EML5: variants seen among roughly 807,000 people sequenced by gnomAD.
EML5 encodes EMAP like 5.
In EML5, 120 loss-of-function variants were observed where a neutral mutation model predicts 250.0. The observed-to-expected ratio is 0.48, with a 90% CI of 0.41 to 0.56. The LOEUF (loss-of-function observed/expected upper bound fraction) is 0.56. EML5 is among the 20% of genes least tolerant of loss of function. The pLI, the probability that EML5 is intolerant of heterozygous loss-of-function variation, is 0.00. For synonymous variants in EML5, 771 were observed against 806.5 expected (o/e 0.96, Z 0.75); for missense variants, 2,006 against 2,437.6 (o/e 0.82, Z 3.73).
intron 28 of EML5, among the ~76,000 whole-genome samples, chr14:88,648,305 T>C (rs1177487804): frequency 2.0e-5 from 3 of 152,082 alleles, no homozygotes; most frequent in Non-Finnish European, 2.9e-5. Context: ...AAGATAACAA[T>C]GATATCTCCA....
At position 88,618,216 on chromosome 14, in the gene EML5, A is replaced by AT. The variant is rs764766269; in HGVS notation, c.5642+11dup. ...AAGTCAGTTCTTGCCTTGTGAATAT[A>AT]TAAGTATTTACCTAGTCCATGTAGC... On this transcript the variant is annotated intron_variant, in intron 41 of 43. Transcript: ENST00000554922. 1 of 1,611,010 alleles carries AT rather than the reference A, an allele frequency of 6.2e-7. No homozygotes were observed. Among genetic ancestry groups the AT allele is most frequent in the Admixed American group, 1.7e-5 (1 of 60,002 alleles).
intron 1 of EML5, among the ~76,000 whole-genome samples, chr14:88,777,946 G>C (rs2094462370): frequency 6.6e-6 from 1 of 152,262 alleles, no homozygotes; most frequent in South Asian, 2.1e-4. Flanking sequence ...CTCTACTCCT[G>C]CCTGGGCAAA....
intron 28 of EML5, among the ~76,000 whole-genome samples, chr14:88,647,870 TA>T (rs2091433532): frequency 6.6e-6 from 1 of 152,138 alleles, no homozygotes; most frequent in African/African-American, 2.4e-5. Flanking sequence ...CATTTAAGCT[TA>T]TTTTTGTTTT....
chr14:88,647,068 A>C (rs2091381714), intron 28 of EML5, 113 bp from the exon 29 acceptor site: 1 of 910,954 alleles, frequency 1.1e-6, no homozygotes, highest in South Asian at 1.9e-5. Context: ...GCAGACAGCT[A>C]TATTGCATAA....
At chr14:88,698,905 CA>C (rs2093143371) in intron 14 of EML5, among the ~76,000 whole-genome samples, 1 of 152,072 alleles carries the variant, frequency 6.6e-6, no homozygotes, top group African/African-American at 2.4e-5. Flanking sequence ...CCAATCACAA[CA>C]ACTCTACGAG....
At chr14:88,676,143 C>T (rs1038122008) in intron 21 of EML5, among the ~76,000 whole-genome samples, 2 of 152,218 alleles carry the variant, frequency 1.3e-5, no homozygotes, top group Non-Finnish European at 1.5e-5. Flanking sequence ...GTTGCTTCCA[C>T]ATTTTCAGGT....
chr14:88,703,180 C>T (rs967647900), intron 13 of EML5, among the ~76,000 whole-genome samples: 3 of 151,922 alleles, frequency 2.0e-5, no homozygotes, highest in Admixed American at 1.3e-4. Context: ...TAGTATACTA[C>T]CATTTACATA....
chr14:88,754,870 C>T (rs2094140695), intron 1 of EML5, among the ~76,000 whole-genome samples, 199 bp from the exon 2 acceptor site: 1 of 152,196 alleles, frequency 6.6e-6, no homozygotes, highest in Non-Finnish European at 1.5e-5. Flanking sequence ...GTGGTGTGAT[C>T]TCAGCTCACT....
chr14:88,729,769 C>T (rs557987210), intron 7 of EML5, among the ~76,000 whole-genome samples: 1 of 152,130 alleles, frequency 6.6e-6, no homozygotes, highest in East Asian at 1.9e-4. Flanking sequence ...CCATGTTGGC[C>T]AGGCTGGTCT....
chr14:88,791,033 C>A lies in EML5; in HGVS notation c.197+1274G>T, dbSNP rs189273053. Among the ~76,000 whole-genome samples, 500 of 152,160 alleles carry A rather than the reference C, an allele frequency of 3.3e-3. 1 individual carries two copies. The highest frequency in any genetic ancestry group is 0.011 in the African/African-American group (469 of 41,506). Reference sequence around the variant, plus strand: ...AAAAAACAAAAACAAACAAAAAAAACCAACTGAATACAGAGCACCACCTCA... The same window carrying A: ...AAAAAACAAAAACAAACAAAAAAAAACAACTGAATACAGAGCACCACCTCA... On this transcript the variant is annotated intron_variant, in intron 1 of 43. Transcript: ENST00000554922.
chr14:88,689,851 C>G (rs1370667644), intron 17 of EML5, among the ~76,000 whole-genome samples: 1 of 152,158 alleles, frequency 6.6e-6, no homozygotes, highest in African/African-American at 2.4e-5. Flanking sequence ...TTCCCTAGAG[C>G]TTCATGGTGA....
chr14:88,761,475 T>C (rs1361283176), intron 1 of EML5, among the ~76,000 whole-genome samples: 1 of 152,210 alleles, frequency 6.6e-6, no homozygotes, highest in Non-Finnish European at 1.5e-5. Context: ...CCTATGTTAG[T>C]TTGCTGAGAA....
chr14:88,754,422 G>C, intron 2 of EML5, 90 bp downstream of exon 2: 1 of 1,180,336 alleles, frequency 8.5e-7, no homozygotes, highest in Non-Finnish European at 1.1e-6. Flanking sequence ...TTTTCATCAA[G>C]TGTCCAATTT....
intron 1 of EML5, among the ~76,000 whole-genome samples, chr14:88,778,312 A>C (rs1019057167): frequency 6.6e-6 from 1 of 152,246 alleles, no homozygotes; most frequent in Non-Finnish European, 1.5e-5. Flanking sequence ...GATTTGTTTA[A>C]TATTGTATGG....
chr14:88,749,740 A>G (rs1291508012), intron 2 of EML5, among the ~76,000 whole-genome samples: 1 of 152,208 alleles, frequency 6.6e-6, no homozygotes, highest in Non-Finnish European at 1.5e-5. Context: ...TAAATTTTAA[A>G]AAATTAAAAT....
At chr14:88,617,008 G>T in intron 41 of EML5, 129 bp from the exon 42 acceptor site, 2 of 801,358 alleles carry the variant, frequency 2.5e-6, no homozygotes, top group Non-Finnish European at 1.9e-6. Flanking sequence ...AGTAAATTAT[G>T]GTAAGTTGTT....
At chr14:88,627,318 A>C (rs1185831640) in intron 34 of EML5, 2 of 480,960 alleles carry the variant, frequency 4.2e-6, no homozygotes, top group Admixed American at 7.3e-5. Flanking sequence ...TGCCATTATC[A>C]TTAGAAATAT....
At chr14:88,770,563 G>A (rs2094380758) in intron 1 of EML5, among the ~76,000 whole-genome samples, 1 of 152,044 alleles carries the variant, frequency 6.6e-6, no homozygotes, top group Admixed American at 6.6e-5. Context: ...ACAAGCAGCA[G>A]GATTAATATT....
rs2093422526 is a variant in EML5, at chr14:88,712,412, G to A, written c.1516C>T (p.Leu506Phe). The A allele has an allele frequency of 6.2e-7, 1 of 1,613,528 alleles. No homozygotes were observed. The highest frequency in any genetic ancestry group is 1.3e-5 in the African/African-American group (1 of 74,984). The change falls in exon 10 of 44, where the codon CTT becomes TTT. Residue 506 changes from leucine (L) to phenylalanine (F), a missense_variant. This residue lies in a region of EML5 where 1,375 missense variants were observed against 1,590.3 expected (regional missense o/e 0.86). Coordinates refer to ENST00000554922, the MANE Select transcript of EML5 (RefSeq NM_183387.3). ...TTGGGCCAAATTCCATTTACTTCAA[G>A]GCCTGAAACACATGTCCATGAAGCC... The part of the protein sequence containing the change: ...HWASWTCVSG[L>F]EVNGIWPKYS...
Sources: allele counts gnomAD v4.1 joint callset (sites outside exome capture counted in the v4.1 genomes callset), GRCh38; gene constraint gnomAD v4.1.1; regional missense constraint gnomAD v4.1.1; transcripts MANE v1.5; gene names NCBI Gene and HGNC (gene_info 2026-07-23, HGNC 2026-07-21).